MTHFS: variants seen among roughly 807,000 people sequenced by gnomAD.
MTHFS encodes 5-formyltetrahydrofolate cyclo-ligase.
In MTHFS, 7 loss-of-function variants were observed where a neutral mutation model predicts 12.7. The observed-to-expected ratio is 0.55, with a 90% CI of 0.31 to 1.03. The LOEUF (loss-of-function observed/expected upper bound fraction) is 1.03, where lower values mean the gene tolerates loss of function less well. MTHFS is among the 50% of genes least tolerant of loss of function. MTHFS has a pLI of 0.05. For synonymous variants in MTHFS, 100 were observed against 97.1 expected (o/e 1.03, Z -0.18); for missense variants, 252 against 258.1 (o/e 0.98, Z 0.16).
intron 2 of MTHFS, among the ~76,000 whole-genome samples, chr15:79,887,688 G>A (rs2034405025): frequency 6.6e-6 from 1 of 152,108 alleles, no homozygotes; most frequent in Non-Finnish European, 1.5e-5. Context: ...AACCTAGGCT[G>A]CTCTCCAAGA....
At chr15:79,848,473 T>C (rs745589594) in intron 2 of MTHFS, among the ~76,000 whole-genome samples, 19 of 152,188 alleles carry the variant, frequency 1.2e-4, no homozygotes, top group Non-Finnish European at 2.2e-4. Context: ...TTACAACTTT[T>C]AGGAGGGTAG....
rs375031666 is a variant in MTHFS at position 79,845,446 on chromosome 15, C to T, written c.380-4G>A. 29 of 1,609,814 alleles carry T rather than the reference C, an allele frequency of 1.8e-5. No homozygotes were observed. The highest frequency in any genetic ancestry group is 1.7e-4 in the African/African-American group (13 of 74,884). On this transcript the variant is annotated splice_polypyrimidine_tract_variant and splice_region_variant and intron_variant, in intron 2 of 2. Transcript: ENST00000258874. ...ATGAAGATGAGATCAAGTCCCCCTGCGGAAAAGAGGAACAAATTTAAGAGG... is the reference window on the plus strand; with the variant it reads ...ATGAAGATGAGATCAAGTCCCCCTGTGGAAAAGAGGAACAAATTTAAGAGG...
At chr15:79,845,519 A>G in intron 2 of MTHFS, 77 bp from the exon 3 acceptor site, 1 of 1,517,298 alleles carries the variant, frequency 6.6e-7, no homozygotes, top group Non-Finnish European at 8.9e-7. Flanking sequence ...TTTGTTTTGT[A>G]ATGACATCAA....
At chr15:79,846,858 T>TA (rs1364076160) in intron 2 of MTHFS, among the ~76,000 whole-genome samples, 2 of 152,226 alleles carry the variant, frequency 1.3e-5, no homozygotes, top group East Asian at 3.8e-4. Flanking sequence ...CTTCTATACC[T>TA]AGAACACACA....
chr15:79,896,922 C>T lies in MTHFS; in HGVS notation c.67G>A (p.Ala23Thr). ...CGTAGCCGCTCCTCGGCACTCATCGCCCGCAGACGCTGCTTCAGCTCTCCC... is the reference window on the plus strand; with the variant it reads ...CGTAGCCGCTCCTCGGCACTCATCGTCCGCAGACGCTGCTTCAGCTCTCCC... The part of the protein sequence containing the change: ...LRGELKQRLR[A>T]MSAEERLRQS... Residue 23 changes from alanine (A) to threonine (T), a missense_variant, in exon 1 of 3, where the codon GCG (alanine) becomes ACG (threonine). Physicochemically the swap from Ala to Thr is moderately conservative, Grantham distance 58 (BLOSUM62 0). Transcript: ENST00000258874. 6.5e-7 allele frequency: 1 copy of T among 1,542,080 alleles called. No individual in the cohort carries two copies. Among genetic ancestry groups the T allele is most frequent in the Non-Finnish European group, 8.7e-7 (1 of 1,146,266 alleles).
chr15:79,881,333 A>G (rs1386598756), intron 2 of MTHFS, among the ~76,000 whole-genome samples: 1 of 152,230 alleles, frequency 6.6e-6, no homozygotes, highest in African/African-American at 2.4e-5. Context: ...GGCAAGAATA[A>G]CAGGGCATAA....
chr15:79,856,479 C>G (rs370310179), intron 2 of MTHFS, among the ~76,000 whole-genome samples: 14 of 152,060 alleles, frequency 9.2e-5, no homozygotes, highest in Admixed American at 6.5e-4. Flanking sequence ...CTGTGTGATT[C>G]AATCAAGAAA....
At chr15:79,849,124 G>A (rs2033668836) in intron 2 of MTHFS, among the ~76,000 whole-genome samples, 1 of 152,180 alleles carries the variant, frequency 6.6e-6, no homozygotes, top group Non-Finnish European at 1.5e-5. Flanking sequence ...CTTCCTAGGT[G>A]GAGGTCCTTA....
At position 79,896,890 on chromosome 15, in the gene MTHFS, G is replaced by A; in HGVS notation, c.99C>T (p.Ser33=). 6.5e-7 allele frequency: 1 copy of A among 1,543,006 alleles called. No homozygotes were observed. Among genetic ancestry groups the A allele is most frequent in the Non-Finnish European group, 8.7e-7 (1 of 1,146,308 alleles). ...CTCGCACCTTCTGGCTCAGTACGCG[G>A]GACTGGCGTAGCCGCTCCTCGGCAC... ...AMSAEERLRQ[S]RVLSQKVIAH... Residue 33 remains serine, a synonymous_variant, in exon 1 of 3, where the codon TCC becomes TCT. Transcript: ENST00000258874.
At chr15:79,860,365 G>T (rs1162629249) in intron 2 of MTHFS, among the ~76,000 whole-genome samples, 1 of 151,554 alleles carries the variant, frequency 6.6e-6, no homozygotes, top group Non-Finnish European at 1.5e-5. Flanking sequence ...CTCCAGCCTG[G>T]GCAACAGAGC....
chr15:79,853,485 G>A (rs922892306), intron 2 of MTHFS, among the ~76,000 whole-genome samples: 13 of 152,112 alleles, frequency 8.5e-5, no homozygotes, highest in Non-Finnish European at 1.6e-4. Context: ...CTATTTTAGA[G>A]GGACTAAATA....
intron 2 of MTHFS, among the ~76,000 whole-genome samples, chr15:79,862,274 C>G (rs186553686): frequency 6.3e-4 from 96 of 152,304 alleles, no homozygotes; most frequent in African/African-American, 2.2e-3. Flanking sequence ...CTAACACACC[C>G]TATAAGTAAC....
intron 1 of MTHFS, among the ~76,000 whole-genome samples, chr15:79,890,135 C>T (rs1297557775): frequency 1.3e-5 from 2 of 150,942 alleles, no homozygotes; most frequent in South Asian, 4.2e-4. Flanking sequence ...ATGAGCTTTG[C>T]TCATCATAGA....
chr15:79,857,080 C>T (rs993656402), intron 2 of MTHFS, among the ~76,000 whole-genome samples: 3 of 151,872 alleles, frequency 2.0e-5, no homozygotes, highest in Non-Finnish European at 4.4e-5. Flanking sequence ...ACTGCAACCT[C>T]CGCCTCCCGG....
intron 1 of MTHFS, 107 bp downstream of exon 1, chr15:79,896,765 G>A (rs367994023): frequency 1.3e-5 from 19 of 1,467,750 alleles, no homozygotes; most frequent in African/African-American, 2.9e-5. Flanking sequence ...GGGTGGGGGG[G>A]CGCCTAGCCC....
chr15:79,848,033 T>TA (rs1177205113), intron 2 of MTHFS, among the ~76,000 whole-genome samples: 10 of 152,312 alleles, frequency 6.6e-5, no homozygotes, highest in Middle Eastern at 3.4e-3. Flanking sequence ...GTCAGGGTCT[T>TA]AAAGAGATAT....
intron 1 of MTHFS, among the ~76,000 whole-genome samples, chr15:79,893,263 C>T (rs1435625360): frequency 2.6e-5 from 4 of 151,598 alleles, no homozygotes; most frequent in Non-Finnish European, 4.4e-5. Context: ...ATTAGTCAGG[C>T]GTGGCGGCAG....
chr15:79,873,490 AG>A (rs1399572859), intron 2 of MTHFS, among the ~76,000 whole-genome samples: 1 of 152,210 alleles, frequency 6.6e-6, no homozygotes, highest in African/African-American at 2.4e-5. Context: ...CTGAAAAATC[AG>A]AAATTTCCTC....
intron 2 of MTHFS, among the ~76,000 whole-genome samples, chr15:79,846,866 A>G (rs926847442): frequency 1.3e-5 from 2 of 152,342 alleles, no homozygotes; most frequent in Admixed American, 1.3e-4. Context: ...CCTAGAACAC[A>G]CAATGCGCAA....
Sources: gnomAD v4.1 joint callset for allele counts (sites outside exome capture counted in the v4.1 genomes callset) on GRCh38, gnomAD v4.1.1 for gene constraint, MANE v1.5 for transcripts, NCBI Gene and HGNC (gene_info 2026-07-23, HGNC 2026-07-21) for gene names.